The following UNC80 variants were observed in gnomAD, a reference collection of about 807,000 sequenced individuals.
The protein encoded by UNC80 is unc-80 subunit of NALCN channel complex.
In UNC80, 164 loss-of-function variants were observed where a neutral mutation model predicts 384.6. That is an observed-to-expected ratio of 0.43 (90% CI 0.38 to 0.49). UNC80 has a LOEUF of 0.49. Ranked by LOEUF, UNC80 falls within the 20% of genes least tolerant of loss-of-function variation. The probability of loss-of-function intolerance (pLI) is 0.00; values close to 1 mark genes in which losing one functional copy is unlikely to be tolerated. For synonymous variants in UNC80, 1,486 were observed against 1,527.8 expected (o/e 0.97, Z 0.64); for missense variants, 3,330 against 4,143.0 (o/e 0.80, Z 5.39).
intron 30 of UNC80, among the ~76,000 whole-genome samples, chr2:209,913,069 A>G (rs991798843): frequency 2.0e-5 from 3 of 152,184 alleles, no homozygotes; most frequent in African/African-American, 7.2e-5. Context: ...CACCTCATTT[A>G]TAAAATGGGG....
chr2:209,846,868 G>T (rs1381777758), intron 21 of UNC80, among the ~76,000 whole-genome samples: 1 of 151,964 alleles, frequency 6.6e-6, no homozygotes, highest in Non-Finnish European at 1.5e-5. Context: ...AATGCCAGCA[G>T]GATACAATTT....
At chr2:209,852,498 T>C (rs2082602867) in intron 22 of UNC80, among the ~76,000 whole-genome samples, 1 of 152,006 alleles carries the variant, frequency 6.6e-6, no homozygotes, top group Non-Finnish European at 1.5e-5. Context: ...TATTTGTTGG[T>C]ATGAGAGCAA....
At chr2:209,849,173 T>C (rs931732560) in intron 21 of UNC80, among the ~76,000 whole-genome samples, 1 of 152,158 alleles carries the variant, frequency 6.6e-6, no homozygotes, top group African/African-American at 2.4e-5. Context: ...CTCTTACTAG[T>C]ATTCAAAAGA....
intron 23 of UNC80, among the ~76,000 whole-genome samples, chr2:209,874,234 A>G (rs1484094052): frequency 6.6e-6 from 1 of 152,184 alleles, no homozygotes; most frequent in Non-Finnish European, 1.5e-5. Context: ...AGCAGTGTCA[A>G]TGAAATGCAT....
chr2:209,795,467 G>A (rs1352311900), intron 7 of UNC80: 1 of 152,214 alleles, frequency 6.6e-6, no homozygotes, highest in Non-Finnish European at 1.5e-5. Context: ...GCATAAGTAA[G>A]GAGCAAGGAG....
At chr2:209,937,866 T>C (rs1383541733) in intron 42 of UNC80, among the ~76,000 whole-genome samples, 1 of 152,154 alleles carries the variant, frequency 6.6e-6, no homozygotes, top group Non-Finnish European at 1.5e-5. Flanking sequence ...AATTATTGAG[T>C]ATAAATAATA....
rs1454345453 is a variant in UNC80 at position 209,969,685 on chromosome 2, C to A, written c.8007-83C>A. 8 of 1,507,594 alleles carry A rather than the reference C, an allele frequency of 5.3e-6. No homozygotes were observed. The Admixed American group carries it at 1.7e-4, about 31-fold the overall frequency. The allele number at this position is 1,507,594 out of a possible 1,614,324, so 93.4% of individuals were successfully genotyped here. ...CAGAGACACATCCTGTCTTAGATGG[C>A]ATCAGAATCACTGTCTCATTCACTT... is the stretch of plus-strand genomic sequence containing the variant. On this transcript the variant is annotated intron_variant, in intron 52 of 64. Transcript: ENST00000673920.
intron 61 of UNC80, among the ~76,000 whole-genome samples, chr2:209,988,455 A>G (rs561523378): frequency 6.6e-6 from 1 of 152,278 alleles, no homozygotes; most frequent in East Asian, 1.9e-4. Flanking sequence ...TTATTGCATT[A>G]TTGAATGGCC....
intron 6 of UNC80, among the ~76,000 whole-genome samples, chr2:209,790,243 T>A (rs1275680804): frequency 6.6e-6 from 1 of 152,192 alleles, no homozygotes; most frequent in South Asian, 2.1e-4. Flanking sequence ...CATTAACTTA[T>A]GGCATTAAAT....
intron 25 of UNC80, among the ~76,000 whole-genome samples, chr2:209,882,292 G>A (rs1026745010): frequency 2.0e-5 from 3 of 152,080 alleles, no homozygotes; most frequent in South Asian, 2.1e-4. Context: ...AACCAAACTC[G>A]GCATGAGCAA....
chr2:209,941,342 C>G lies in UNC80; in HGVS notation c.6768C>G (p.Leu2256=), dbSNP rs1331953876. The G allele has an allele frequency of 6.4e-7, 1 of 1,551,246 alleles. No homozygotes were observed. The highest frequency in any genetic ancestry group is 8.7e-7 in the Non-Finnish European group (1 of 1,146,654). Residue 2256 remains leucine, a synonymous_variant, in exon 44 of 65, where the codon CTC becomes CTG. Transcript: ENST00000673920. ...GGGGAGACGAAATCATGCTTTTCCTCAACGTTTTTAACGGGGCTCTGATCC... is the reference window on the plus strand; with the variant it reads ...GGGGAGACGAAATCATGCTTTTCCTGAACGTTTTTAACGGGGCTCTGATCC... ...FPWGDEIMLF[L]NVFNGALILH... is the part of the protein sequence containing the mutation.
intron 28 of UNC80, among the ~76,000 whole-genome samples, chr2:209,899,922 C>T (rs543857438): frequency 1.3e-5 from 2 of 152,302 alleles, no homozygotes; most frequent in African/African-American, 4.8e-5. Flanking sequence ...TATTCAGTTT[C>T]TCCCTTCTTT....
At chr2:209,856,811 G>A (rs1489343404) in intron 22 of UNC80, among the ~76,000 whole-genome samples, 1 of 151,040 alleles carries the variant, frequency 6.6e-6, no homozygotes, top group African/African-American at 2.4e-5. Flanking sequence ...TTTTTGAGAT[G>A]GAGGCTTGCT....
chr2:209,799,605 T>G (rs1224586103), intron 7 of UNC80, among the ~76,000 whole-genome samples: 25 of 152,308 alleles, frequency 1.6e-4, no homozygotes, highest in Admixed American at 1.6e-3. Flanking sequence ...CTTCCAATAC[T>G]GTGTTGAATA....
chr2:209,803,837 A>G (rs1019227115), intron 7 of UNC80, among the ~76,000 whole-genome samples: 1 of 152,130 alleles, frequency 6.6e-6, no homozygotes, highest in African/African-American at 2.4e-5. Context: ...GGCTTAAGCA[A>G]TTCTTCTGCC....
intron 45 of UNC80, among the ~76,000 whole-genome samples, chr2:209,944,770 A>G (rs896975504): frequency 6.6e-6 from 1 of 152,162 alleles, no homozygotes; most frequent in Non-Finnish European, 1.5e-5. Context: ...TAAAGGAACC[A>G]TTGATATGAA....
At position 209,819,205 on chromosome 2, in the gene UNC80, G is replaced by A; in HGVS notation, c.1906G>A (p.Glu636Lys). The stretch of plus-strand genomic sequence containing the variant: ...AAACTACAGCTACCTAGAGGACACA[G>A]AACATATTGACGGGACCAATAACTT... Reference protein sequence around the residue: ...CINYSYLEDTEHIDGTNNFVH... With the variant: ...CINYSYLEDTKHIDGTNNFVH... The change falls in exon 12 of 65, where the codon GAA (glutamate) becomes AAA (lysine). Residue 636 changes from glutamate (E) to lysine (K), a missense_variant. Glu to Lys is a moderately conservative substitution (Grantham distance 56). This residue lies in a region of UNC80 where 937 missense variants were observed against 1,026.8 expected (regional missense o/e 0.91). Transcript: ENST00000673920. The A allele has an allele frequency of 6.4e-7, 1 of 1,551,894 alleles. No homozygotes were observed. Among genetic ancestry groups the A allele is most frequent in the African/African-American group, 1.4e-5 (1 of 73,146 alleles).
chr2:209,873,859 A>G (rs926500513), intron 23 of UNC80, among the ~76,000 whole-genome samples: 2 of 152,194 alleles, frequency 1.3e-5, no homozygotes, highest in Non-Finnish European at 2.9e-5. Context: ...TTCAAAAGGC[A>G]TGAATTGTAT....
intron 9 of UNC80, 49 bp downstream of exon 9, chr2:209,815,440 T>C (rs2153827440): frequency 6.5e-7 from 1 of 1,530,234 alleles, no homozygotes; most frequent in East Asian, 2.5e-5. Flanking sequence ...ATAAAAAATG[T>C]CAGTGGGACA....
Sources: gnomAD v4.1 joint callset for allele counts (sites outside exome capture counted in the v4.1 genomes callset) on GRCh38, gnomAD v4.1.1 for gene constraint, gnomAD v4.1.1 regional missense constraint, MANE v1.5 for transcripts, NCBI Gene and HGNC (gene_info 2026-07-23, HGNC 2026-07-21) for gene names.